OPCML: variants seen among roughly 807,000 people sequenced by gnomAD.
OPCML encodes the protein opioid binding protein/cell adhesion molecule like.
In OPCML, 13 loss-of-function variants were observed where a neutral mutation model predicts 37.8. The ratio of observed to expected loss-of-function variants is 0.34; its 90% CI spans 0.22 to 0.55. OPCML has a LOEUF of 0.55. Ranked by LOEUF, OPCML falls within the 20% of genes least tolerant of loss-of-function variation. OPCML has a pLI of 0.91. For missense variants in OPCML, 341 were observed against 435.6 expected (o/e 0.78, Z 1.93); for synonymous variants, 176 against 168.8 (o/e 1.04, Z -0.33).
At chr11:132,607,813 T>A (rs1938399207) in intron 3 of OPCML, among the ~76,000 whole-genome samples, 2 of 152,162 alleles carry the variant, frequency 1.3e-5, no homozygotes, top group African/African-American at 4.8e-5. Context: ...ATGGGTCTCA[T>A]GAAGACAGGG....
chr11:132,885,028 T>C (rs1339120460), intron 2 of OPCML, among the ~76,000 whole-genome samples: 1 of 152,220 alleles, frequency 6.6e-6, no homozygotes, highest in Non-Finnish European at 1.5e-5. Context: ...GTGGACAGCA[T>C]CTACCTGGAC....
chr11:132,510,975 T>C (rs2096267611), intron 4 of OPCML, among the ~76,000 whole-genome samples: 1 of 152,066 alleles, frequency 6.6e-6, no homozygotes, highest in Non-Finnish European at 1.5e-5. Flanking sequence ...ACTGAGCCAG[T>C]ATAATAAGAC....
chr11:132,420,268 T>C lies in OPCML; in HGVS notation c.942A>G (p.Val314=). ...AAGCCAGTGCTCTGGAGGCCGAGTTTACACCATCAATGACTGCTCCAGGCC... is the reference window on the plus strand; with the variant it reads ...AAGCCAGTGCTCTGGAGGCCGAGTTCACACCATCAATGACTGCTCCAGGCC... The part of the protein sequence containing the change: ...LYGPGAVIDG[V]NSASRALACL... Residue 314 remains valine, a synonymous_variant, in exon 8 of 8, where the codon GTA becomes GTG. Transcript: ENST00000524381. The C allele has an allele frequency of 6.2e-7, 1 of 1,613,798 alleles. No individual in the cohort carries two copies. The highest frequency in any genetic ancestry group is 8.5e-7 in the Non-Finnish European group (1 of 1,179,800).
chr11:133,220,641 T>G (rs776026314), intron 1 of OPCML, among the ~76,000 whole-genome samples: 1 of 152,192 alleles, frequency 6.6e-6, no homozygotes, highest in Non-Finnish European at 1.5e-5. Context: ...TTCTGGAGGA[T>G]GTTCTTACTT....
intron 1 of OPCML, among the ~76,000 whole-genome samples, chr11:133,042,048 G>A (rs560420015): frequency 6.6e-6 from 1 of 152,100 alleles, no homozygotes; most frequent in Admixed American, 6.6e-5. Context: ...GCTGGGGGGT[G>A]GGGGGAGCCT....
chr11:133,251,066 G>A (rs952261578), intron 1 of OPCML, among the ~76,000 whole-genome samples: 5 of 152,122 alleles, frequency 3.3e-5, no homozygotes, highest in Admixed American at 2.6e-4. Context: ...TAAAGGACCC[G>A]TGGTCACTCT....
intron 1 of OPCML, among the ~76,000 whole-genome samples, chr11:133,060,986 C>T (rs535648905): frequency 4.6e-5 from 7 of 151,914 alleles, no homozygotes; most frequent in South Asian, 2.1e-4. Context: ...AAGAGGGATG[C>T]GAGCTAAAGA....
chr11:133,076,601 T>C (rs994701816), intron 1 of OPCML, among the ~76,000 whole-genome samples: 4 of 152,120 alleles, frequency 2.6e-5, no homozygotes, highest in Non-Finnish European at 5.9e-5. Context: ...CTTCCTCCAC[T>C]GTAACACAGA....
chr11:132,917,285 G>A (rs1320776804), intron 2 of OPCML, among the ~76,000 whole-genome samples: 2 of 152,214 alleles, frequency 1.3e-5, no homozygotes, highest in Non-Finnish European at 2.9e-5. Context: ...GCATTCAATA[G>A]TAGCTATGGC....
At chr11:132,880,293 C>G (rs1290062718) in intron 2 of OPCML, among the ~76,000 whole-genome samples, 1 of 152,222 alleles carries the variant, frequency 6.6e-6, no homozygotes, top group Non-Finnish European at 1.5e-5. Flanking sequence ...CACCACGGCT[C>G]TCTTGACCAT....
chr11:132,943,836 C>T lies in OPCML; in HGVS notation c.62-826G>A, dbSNP rs1346306615. Reference sequence around the variant, plus strand: ...CCTCCTCCGGGGACGCGGCACGAGACGCGGGGACGCGCGGACGCCACGCTC... The same window carrying T: ...CCTCCTCCGGGGACGCGGCACGAGATGCGGGGACGCGCGGACGCCACGCTC... On this transcript the variant is annotated intron_variant, in intron 1 of 7. Transcript: ENST00000524381. The surrounding 1 kb of genome is among the most constrained non-coding windows in gnomAD (Gnocchi z 4.3). The T allele has an allele frequency of 1.3e-5, 2 of 150,470 alleles. No homozygotes were observed. Among genetic ancestry groups the T allele is most frequent in the Non-Finnish European group, 3.0e-5 (2 of 67,468 alleles). 9.3% of individuals were successfully genotyped at this position (150,470 alleles called of 1,614,324 possible). A position where few individuals can be genotyped will look rare whatever the true frequency, so the allele number is the denominator to read the frequency against.
chr11:132,893,770 C>T (rs1223111326), intron 2 of OPCML, among the ~76,000 whole-genome samples: 1 of 152,206 alleles, frequency 6.6e-6, no homozygotes, highest in African/African-American at 2.4e-5. Context: ...AAGCTTCAGT[C>T]AAAATATAGA....
chr11:132,830,573 C>A (rs903091168), intron 2 of OPCML, among the ~76,000 whole-genome samples: 1 of 152,188 alleles, frequency 6.6e-6, no homozygotes, highest in African/African-American at 2.4e-5. Context: ...CTTTCCTCTG[C>A]AAATATCAGA....
chr11:132,527,975 T>C (rs550349027), intron 4 of OPCML, among the ~76,000 whole-genome samples: 100 of 152,216 alleles, frequency 6.6e-4, no homozygotes, highest in Non-Finnish European at 1.3e-3. Context: ...CAGCAAACCA[T>C]CAGCATCTAG....
chr11:132,420,358 A>T (rs1326341689), intron 7 of OPCML, 65 bp from the exon 8 acceptor site: 2 of 1,586,300 alleles, frequency 1.3e-6, no homozygotes, highest in East Asian at 4.5e-5. Flanking sequence ...TTCTTCCCTG[A>T]CAAGCAAATA....
Position 133,340,077 on chromosome 11 carries a change from T to C in OPCML, c.61+192187A>G, listed in dbSNP as rs753404674. Among the ~76,000 whole-genome samples, 6 of 152,222 alleles carry C rather than the reference T, an allele frequency of 3.9e-5. No individual in the cohort carries two copies. The South Asian group carries it at 6.2e-4, about 16-fold the overall frequency. ...AAAAAAATGTTTCCTTTTCTAACTC[T>C]GAAGAATATGCAGCTGTGCCACTAA... On this transcript the variant is annotated intron_variant, in intron 1 of 7. Coordinates refer to ENST00000524381, the MANE Select transcript of OPCML (RefSeq NM_001012393.5).
chr11:133,242,417 C>T (rs183067543), intron 1 of OPCML, among the ~76,000 whole-genome samples: 56 of 152,206 alleles, frequency 3.7e-4, no homozygotes, highest in Admixed American at 9.8e-4. Context: ...GCTTAAATGG[C>T]GGCAATTTAT....
At chr11:133,101,753 A>G (rs540313391) in intron 1 of OPCML, among the ~76,000 whole-genome samples, 2 of 152,358 alleles carry the variant, frequency 1.3e-5, no homozygotes, top group South Asian at 4.1e-4. Context: ...ATGCCCATAA[A>G]AACGCCTGCA....
At chr11:133,439,620 A>G (rs2136935284) in intron 1 of OPCML, among the ~76,000 whole-genome samples, 1 of 152,068 alleles carries the variant, frequency 6.6e-6, no homozygotes, top group Admixed American at 6.5e-5. Context: ...GGTGCCCGCC[A>G]CCATGCCCGG....
Sources: gnomAD v4.1 joint callset for allele counts (sites outside exome capture counted in the v4.1 genomes callset) on GRCh38, gnomAD v4.1.1 for gene constraint, Gnocchi (gnomAD v3.1) non-coding constraint, MANE v1.5 for transcripts, NCBI Gene and HGNC (gene_info 2026-07-23, HGNC 2026-07-21) for gene names.